GUCY1A2: variants seen among roughly 807,000 people sequenced by gnomAD.
GUCY1A2 encodes the protein guanylate cyclase soluble subunit alpha-2.
In GUCY1A2, 27 loss-of-function variants were observed where a neutral mutation model predicts 63.5. That is an observed-to-expected ratio of 0.43 (90% CI 0.31 to 0.59). The LOEUF (loss-of-function observed/expected upper bound fraction) is 0.59. Among genes scored for constraint, GUCY1A2 ranks in the 20% least tolerant of loss-of-function variants. The pLI is 0.11. For missense variants in GUCY1A2, 768 were observed against 913.3 expected (o/e 0.84, Z 2.05); for synonymous variants, 364 against 343.5 (o/e 1.06, Z -0.66).
intron 4 of GUCY1A2, among the ~76,000 whole-genome samples, chr11:106,815,483 CA>C (rs896421218): frequency 1.3e-5 from 2 of 151,378 alleles, no homozygotes; most frequent in African/African-American, 2.4e-5. Context: ...TTTTAGGGTG[CA>C]TATGTACCCT....
At chr11:106,839,251 G>A (rs1859161970) in intron 4 of GUCY1A2, among the ~76,000 whole-genome samples, 1 of 151,886 alleles carries the variant, frequency 6.6e-6, no homozygotes, top group East Asian at 1.9e-4. Context: ...CCCATTTCTT[G>A]TTTTTGTCAG....
chr11:106,700,170 C>A (rs1261502764), intron 7 of GUCY1A2, among the ~76,000 whole-genome samples: 3 of 151,982 alleles, frequency 2.0e-5, no homozygotes, highest in Non-Finnish European at 4.4e-5. Flanking sequence ...AGCAATTAGA[C>A]CTTTAAGAGT....
At chr11:106,801,818 T>C (rs895088496) in intron 5 of GUCY1A2, among the ~76,000 whole-genome samples, 1 of 152,126 alleles carries the variant, frequency 6.6e-6, no homozygotes, top group African/African-American at 2.4e-5. Context: ...TATCAAAACA[T>C]CTCACGTACT....
chr11:106,822,953 T>C (rs1858922129), intron 4 of GUCY1A2, among the ~76,000 whole-genome samples: 1 of 152,192 alleles, frequency 6.6e-6, no homozygotes, highest in Admixed American at 6.5e-5. Context: ...TTTGTAATTG[T>C]TACTTTTTTT....
At chr11:106,778,235 T>A (rs1414634696) in intron 5 of GUCY1A2, among the ~76,000 whole-genome samples, 1 of 152,202 alleles carries the variant, frequency 6.6e-6, no homozygotes, top group Non-Finnish European at 1.5e-5. Flanking sequence ...ACAATTCCAG[T>A]GTCACTTTTT....
At chr11:107,004,830 G>C (rs937756774) in intron 1 of GUCY1A2, among the ~76,000 whole-genome samples, 3 of 152,114 alleles carry the variant, frequency 2.0e-5, no homozygotes, top group African/African-American at 7.2e-5. Flanking sequence ...GTGGGTAGAG[G>C]ACATTTCTGA....
At chr11:107,000,957 A>G (rs758478834) in intron 1 of GUCY1A2, among the ~76,000 whole-genome samples, 18 of 152,228 alleles carry the variant, frequency 1.2e-4, no homozygotes, top group Non-Finnish European at 2.1e-4. Context: ...AATACTCATT[A>G]CAAGATATTT....
intron 4 of GUCY1A2, among the ~76,000 whole-genome samples, chr11:106,873,827 T>G (rs1397511882): frequency 1.3e-5 from 2 of 151,984 alleles, no homozygotes; most frequent in Non-Finnish European, 2.9e-5. Flanking sequence ...AAAGCTTTTC[T>G]TAATACGTTC....
At chr11:106,960,938 A>G (rs1385756134) in intron 3 of GUCY1A2, among the ~76,000 whole-genome samples, 1 of 152,146 alleles carries the variant, frequency 6.6e-6, no homozygotes, top group Non-Finnish European at 1.5e-5. Flanking sequence ...ATTAGACGAT[A>G]TTAGTGAAAA....
intron 4 of GUCY1A2, among the ~76,000 whole-genome samples, chr11:106,927,467 C>G (rs1240045510): frequency 6.6e-6 from 1 of 152,026 alleles, no homozygotes; most frequent in African/African-American, 2.4e-5. Flanking sequence ...GATAAGAACA[C>G]AAACTTCACA....
intron 4 of GUCY1A2, among the ~76,000 whole-genome samples, chr11:106,858,751 G>C (rs1469596270): frequency 6.6e-6 from 1 of 152,042 alleles, no homozygotes; most frequent in Non-Finnish European, 1.5e-5. Flanking sequence ...AAATCTAGAA[G>C]ACAAGGAGAA....
intron 1 of GUCY1A2, among the ~76,000 whole-genome samples, chr11:107,015,942 T>C (rs999005283): frequency 6.6e-6 from 1 of 152,144 alleles, no homozygotes; most frequent in East Asian, 1.9e-4. Flanking sequence ...TACACAAGAA[T>C]AGGAAGATGA....
intron 5 of GUCY1A2, among the ~76,000 whole-genome samples, chr11:106,786,639 A>C (rs953627287): frequency 6.6e-6 from 1 of 152,214 alleles, no homozygotes; most frequent in African/African-American, 2.4e-5. Flanking sequence ...TTAAAATATC[A>C]AGTCAAAATT....
At chr11:106,987,808 A>G (rs994639504) in intron 1 of GUCY1A2, among the ~76,000 whole-genome samples, 5 of 148,316 alleles carry the variant, frequency 3.4e-5, no homozygotes, top group African/African-American at 7.9e-5. Context: ...GGCAATGGTT[A>G]AAGTTAGAGG....
Position 106,716,008 on chromosome 11 carries a change from A to G in GUCY1A2, c.1837-7342T>C, listed in dbSNP as rs567522117. 5.3e-5 allele frequency among the ~76,000 whole-genome samples: 8 copies of G among 152,306 alleles called. No homozygotes were observed. The East Asian group carries it at 7.7e-4, about 15-fold the overall frequency. ...CTCAAGAAAATACTCTTTGAGCTCAATGCTTCCCCACCTTTGGCTAGGTTT... is the reference window on the plus strand; with the variant it reads ...CTCAAGAAAATACTCTTTGAGCTCAGTGCTTCCCCACCTTTGGCTAGGTTT... On this transcript the variant is annotated intron_variant, in intron 6 of 7. Coordinates refer to ENST00000526355, the MANE Select transcript of GUCY1A2 (RefSeq NM_000855.3).
chr11:106,962,619 G>A (rs1344433776), intron 3 of GUCY1A2, among the ~76,000 whole-genome samples: 3 of 151,500 alleles, frequency 2.0e-5, no homozygotes, highest in Admixed American at 6.6e-5. Flanking sequence ...GTGGGAGTAG[G>A]TGGGGGGAGT....
At chr11:106,961,383 G>A (rs922238946) in intron 3 of GUCY1A2, among the ~76,000 whole-genome samples, 6 of 152,092 alleles carry the variant, frequency 3.9e-5, no homozygotes, top group Admixed American at 3.9e-4. Flanking sequence ...AGCTAAAAGA[G>A]ATATAAAACA....
chr11:106,987,096 C>T (rs1481192597), intron 1 of GUCY1A2, among the ~76,000 whole-genome samples: 1 of 152,006 alleles, frequency 6.6e-6, no homozygotes, highest in African/African-American at 2.4e-5. Flanking sequence ...ATAACAAAAA[C>T]CTGTAGTCAA....
intron 4 of GUCY1A2, among the ~76,000 whole-genome samples, chr11:106,814,504 T>C (rs1858805245): frequency 6.6e-6 from 1 of 152,022 alleles, no homozygotes; most frequent in Admixed American, 6.6e-5. Flanking sequence ...ACTCAAGAAA[T>C]TGTATGGCTA....
Sources: allele counts gnomAD v4.1 joint callset (sites outside exome capture counted in the v4.1 genomes callset), GRCh38; gene constraint gnomAD v4.1.1; transcripts MANE v1.5; gene names NCBI Gene and HGNC (gene_info 2026-07-23, HGNC 2026-07-21).